ATP5PF: variants seen among roughly 807,000 people sequenced by gnomAD.
ATP5PF encodes ATP synthase peripheral stalk subunit F6, mitochondrial.
In ATP5PF, 7 loss-of-function variants were observed where a neutral mutation model predicts 12.0. The ratio of observed to expected loss-of-function variants is 0.58; its 90% confidence interval spans 0.33 to 1.10. The LOEUF is 1.10. ATP5PF is among the 50% of genes least tolerant of loss of function. The pLI is 0.03. For synonymous variants in ATP5PF, 41 were observed against 45.4 expected, an observed-to-expected ratio of 0.90 and a Z score of 0.39; for missense variants, 120 against 127.7, an observed-to-expected ratio of 0.94 and a Z score of 0.29.
At chr21:25,733,090 G>T (rs997833841) in intron 1 of ATP5PF, among the ~76,000 whole-genome samples, 1 of 141,018 alleles carries the variant, frequency 7.1e-6, no homozygotes, top group Non-Finnish European at 1.5e-5. Flanking sequence ...AGAAATTAAA[G>T]AATTCATAAC....
chr21:25,735,122 A>G, upstream of ATP5PF: 1 of 715,788 alleles, frequency 1.4e-6, no homozygotes, highest in South Asian at 1.6e-5. Flanking sequence ...TTCTTCGCCT[A>G]ATTTGACCCG....
chr21:25,729,855 CTAAATA>C, intron 1 of ATP5PF, 54 bp from the exon 2 acceptor site: 3 of 1,538,314 alleles, frequency 2.0e-6, no homozygotes, highest in Non-Finnish European at 2.6e-6. Context: ...TAAATCACCT[CTAAATA>C]TATCATGAGA....
Position 25,724,556 on chromosome 21 carries a change from T to C in ATP5PF, c.*84A>G, listed in dbSNP as rs937457495. 5 of 1,419,870 alleles carry C rather than the reference T, an allele frequency of 3.5e-6. No homozygotes were observed. In the African/African-American group the frequency reaches 4.3e-5, roughly 12 times the overall value. The allele number at this position is 1,419,870 out of a possible 1,614,324, so 88.0% of individuals were successfully genotyped here. A position where few individuals can be genotyped will look rare whatever the true frequency, so the allele number is the denominator to read the frequency against. ...GAATTAAAAGAACATTTGACAGTTA[T>C]GAAATGCATGTTTATTCTGAAACTT... On this transcript the variant is annotated 3_prime_UTR_variant, in exon 4 of 4. Coordinates refer to ENST00000284971, the MANE Select transcript of ATP5PF (RefSeq NM_001003703.2).
At chr21:25,733,835 CTCTAAG>C (rs1164361937) in intron 1 of ATP5PF, among the ~76,000 whole-genome samples, 1 of 152,208 alleles carries the variant, frequency 6.6e-6, no homozygotes, top group African/African-American at 2.4e-5. Flanking sequence ...AGTTAATTTG[CTCTAAG>C]TCTGACTGCA....
Position 25,730,736 on chromosome 21 carries a change from C to CACAAAAAAAAAAAAAAA in ATP5PF, c.-7-936_-7-935insTTTTTTTTTTTTTTTGT, listed in dbSNP as rs1219090743. 2.8e-4 allele frequency among the ~76,000 whole-genome samples: 9 copies of CACAAAAAAAAAAAAAAA among 31,882 alleles called. 1 individual carries two copies. The highest frequency in any genetic ancestry group is 3.5e-4 in the Non-Finnish European group (5 of 14,382). The allele number at this position is 31,882 out of a possible 152,430, so 20.9% of individuals were successfully genotyped here. On this transcript the variant is annotated intron_variant, in intron 1 of 3. Transcript: ENST00000284971. ...GCAACAAGAGCAAGACTCCGTCTCACAAAAAAAAAAAAAAAAAAAAAAAAA... is the reference window on the plus strand; with the variant it reads ...GCAACAAGAGCAAGACTCCGTCTCACACAAAAAAAAAAAAAAAAAAAAAAAAAAAAAAAAAAAAAAAA...
At position 25,724,549 on chromosome 21, in the gene ATP5PF, A is replaced by C. The variant is rs926130853; in HGVS notation, c.*91T>G. On this transcript the variant is annotated 3_prime_UTR_variant, in exon 4 of 4. Transcript: ENST00000284971. ...GGACTCAGAATTAAAAGAACATTTGACAGTTATGAAATGCATGTTTATTCT... is the reference window on the plus strand; with the variant it reads ...GGACTCAGAATTAAAAGAACATTTGCCAGTTATGAAATGCATGTTTATTCT... The C allele has an allele frequency of 2.2e-6, 3 of 1,351,974 alleles. No homozygotes were observed. The African/African-American group carries it at 4.4e-5, about 20-fold the overall frequency. The allele number at this position is 1,351,974 out of a possible 1,614,324, so 83.7% of individuals were successfully genotyped here.
In ATP5PF at chr21:25,729,780, C is replaced by G. The variant is rs2034711557; in HGVS notation, c.15G>C (p.Arg5Ser). The G allele has an allele frequency of 2.5e-6, 4 of 1,613,434 alleles. No homozygotes were observed. The Admixed American group carries it at 5.0e-5, about 20-fold the overall frequency. MILQ[R>S]LFRFSSVIRS... ...GAATGACAGAGGAGAACCTGAAGAG[C>G]CTCTGAAGAATCATGCTGATTCTGT... is the stretch of plus-strand genomic sequence containing the variant. The change falls in exon 2 of 4, where the codon AGG becomes AGC. Residue 5 changes from arginine (R) to serine (S), a missense_variant. Arg to Ser is a moderately radical substitution (Grantham distance 110). Coordinates refer to ENST00000284971, the MANE Select transcript of ATP5PF (RefSeq NM_001003703.2).
At chr21:25,725,135 C>G (rs892910518) in intron 3 of ATP5PF, 91 bp downstream of exon 3, 37 of 1,486,560 alleles carry the variant, frequency 2.5e-5, no homozygotes, top group Non-Finnish European at 2.3e-5. Flanking sequence ...CACATGTCAA[C>G]ACTGTCATTC....
At chr21:25,730,707 C>A (rs1473417915) in intron 1 of ATP5PF, among the ~76,000 whole-genome samples, 1 of 107,968 alleles carries the variant, frequency 9.3e-6, no homozygotes, top group Non-Finnish European at 1.8e-5. Context: ...GCACTCCAGC[C>A]TGGGCAACAA....
chr21:25,732,974 A>T (rs2034829679), intron 1 of ATP5PF, among the ~76,000 whole-genome samples: 1 of 139,046 alleles, frequency 7.2e-6, no homozygotes, highest in Non-Finnish European at 1.5e-5. Context: ...AACAAGAGTG[A>T]AACTCTGTCT....
chr21:25,725,698 A>G (rs1234776701), intron 2 of ATP5PF, among the ~76,000 whole-genome samples: 4 of 152,160 alleles, frequency 2.6e-5, no homozygotes, highest in Non-Finnish European at 4.4e-5. Flanking sequence ...TCGGCCTCCC[A>G]TAAGTGCTCG....
chr21:25,728,412 C>T (rs572739193), intron 2 of ATP5PF, among the ~76,000 whole-genome samples: 18 of 152,300 alleles, frequency 1.2e-4, no homozygotes, highest in African/African-American at 4.3e-4. Context: ...ATACCATTCA[C>T]CAAATATATT....
chr21:25,734,853 CT>C lies in ATP5PF; in HGVS notation c.-9del. 1 of 1,540,724 alleles carries C rather than the reference CT, an allele frequency of 6.5e-7. No homozygotes were observed. ...CTGATCTAGCTACCCTCCCAGTCAC[CT>C]TGCACTCAGTCCCGAGCTGCCAAAG... On this transcript the variant is annotated splice_region_variant and 5_prime_UTR_variant, in exon 1 of 4. Coordinates refer to ENST00000284971, the MANE Select transcript of ATP5PF (RefSeq NM_001003703.2).
At position 25,724,534 on chromosome 21, in the gene ATP5PF, T is replaced by C. The variant is rs1601081670; in HGVS notation, c.*106A>G. ...CCAAATAATTTATTTGGACTCAGAA[T>C]TAAAAGAACATTTGACAGTTATGAA... On this transcript the variant is annotated 3_prime_UTR_variant, in exon 4 of 4. Transcript: ENST00000284971. The C allele has an allele frequency of 7.0e-6, 9 of 1,277,596 alleles. No homozygotes were observed. In the East Asian group the frequency reaches 2.2e-4, roughly 31 times the overall value. 79.1% of individuals were successfully genotyped at this position (1,277,596 alleles called of 1,614,324 possible).
In ATP5PF at chr21:25,724,607, G is replaced by T; in HGVS notation, c.*33C>A. Reference sequence around the variant, plus strand: ...CTAACTAGTTGTACAACTAATCCGTGACAAATTACCAGATTAATTTTACTT... The same window carrying T: ...CTAACTAGTTGTACAACTAATCCGTTACAAATTACCAGATTAATTTTACTT... On this transcript the variant is annotated 3_prime_UTR_variant, in exon 4 of 4. Coordinates refer to ENST00000284971, the MANE Select transcript of ATP5PF (RefSeq NM_001003703.2). 1 of 1,600,796 alleles carries T rather than the reference G, an allele frequency of 6.2e-7. No individual in the cohort carries two copies. The highest frequency in any genetic ancestry group is 1.1e-5 in the South Asian group (1 of 88,772).
rs1341914643 is a variant in ATP5PF, at chr21:25,734,887, C to CGCCACCACCTCCGCT, written c.-57_-43dup. 3.9e-5 allele frequency: 61 copies of CGCCACCACCTCCGCT among 1,553,556 alleles called. No individual in the cohort carries two copies. Among genetic ancestry groups the CGCCACCACCTCCGCT allele is most frequent in the Non-Finnish European group, 4.9e-5 (56 of 1,152,388 alleles). Reference sequence around the variant, plus strand: ...AGTCCCGAGCTGCCAAAGCCTCCGCCGCCACCACCTCCGCTCTACTTCCGG... The same window carrying CGCCACCACCTCCGCT: ...AGTCCCGAGCTGCCAAAGCCTCCGCCGCCACCACCTCCGCTGCCACCACCTCCGCTCTACTTCCGG... On this transcript the variant is annotated 5_prime_UTR_variant, in exon 1 of 4. Transcript: ENST00000284971.
chr21:25,729,009 AC>A (rs1207706289), intron 2 of ATP5PF, among the ~76,000 whole-genome samples: 3 of 152,160 alleles, frequency 2.0e-5, no homozygotes, highest in African/African-American at 7.2e-5. Context: ...TTGGGTTTGG[AC>A]CTGATGACAG....
intron 2 of ATP5PF, among the ~76,000 whole-genome samples, chr21:25,726,142 G>C (rs76328116): frequency 0.02 from 3,072 of 152,314 alleles, 48 homozygotes; most frequent in South Asian, 0.067. Context: ...CTGGCACACA[G>C]TGAGTACTCA....
At chr21:25,733,772 T>C (rs1206323263) in intron 1 of ATP5PF, among the ~76,000 whole-genome samples, 1 of 152,228 alleles carries the variant, frequency 6.6e-6, no homozygotes, top group Non-Finnish European at 1.5e-5. Flanking sequence ...TTATCCCTGC[T>C]TTACAGATGA....
Sources: allele counts gnomAD v4.1 joint callset (sites outside exome capture counted in the v4.1 genomes callset), GRCh38; gene constraint gnomAD v4.1.1; transcripts MANE v1.5; gene names NCBI Gene and HGNC (gene_info 2026-07-23, HGNC 2026-07-21).